The following PCDHGA2 variants were observed in gnomAD, a reference collection of about 807,000 sequenced individuals.
The protein encoded by PCDHGA2 is protocadherin gamma-A2.
PCDHGA2 carries 40 observed loss-of-function variants against 59.2 expected under a neutral mutation model. That is an observed-to-expected ratio of 0.68 (90% CI 0.52 to 0.88). The LOEUF is 0.88. PCDHGA2 is among the 40% of genes least tolerant of loss of function. The pLI is 0.00. For missense variants in PCDHGA2, 1,226 were observed against 1,204.0 expected (o/e 1.02, Z -0.27); for synonymous variants, 560 against 526.0 (o/e 1.06, Z -0.89).
At chr5:141,456,615 A>G (rs561978043) in intron 1 of PCDHGA2, among the ~76,000 whole-genome samples, 3 of 152,318 alleles carry the variant, frequency 2.0e-5, no homozygotes, top group East Asian at 3.9e-4. Flanking sequence ...AAGTCCCTGT[A>G]GATTTGCCTC....
intron 1 of PCDHGA2, chr5:141,350,531 A>C (rs1342791727): frequency 6.2e-7 from 1 of 1,614,042 alleles, no homozygotes. Context: ...AGATCGAGAG[A>C]AGATTTGCGG....
At chr5:141,455,075 G>A (rs1050636999) in intron 1 of PCDHGA2, among the ~76,000 whole-genome samples, 2 of 151,830 alleles carry the variant, frequency 1.3e-5, no homozygotes, top group African/African-American at 4.8e-5. Context: ...GCCTCCCAAA[G>A]TGCTGGGATT....
In PCDHGA2 at chr5:141,414,973, A is replaced by G. The variant is rs533056439; in HGVS notation, c.2424+73578A>G. 1.9e-5 allele frequency: 30 copies of G among 1,613,870 alleles called. No homozygotes were observed. The African/African-American group carries it at 3.7e-4, about 20-fold the overall frequency. Reference sequence around the variant, plus strand: ...GGTGACCAAGGTGGTGGCGGTGGACAGAGACTCCGGCCAGAACGCCTGGCT... The same window carrying G: ...GGTGACCAAGGTGGTGGCGGTGGACGGAGACTCCGGCCAGAACGCCTGGCT... On this transcript the variant is annotated intron_variant, in intron 1 of 3. Transcript: ENST00000394576.
At chr5:141,500,473 T>C (rs911171031) in intron 2 of PCDHGA2, among the ~76,000 whole-genome samples, 10 of 152,132 alleles carry the variant, frequency 6.6e-5, no homozygotes, top group Admixed American at 4.6e-4. Flanking sequence ...CCTCCCAAAG[T>C]GCTGGGATTA....
At chr5:141,460,882 C>G (rs2098999926) in intron 1 of PCDHGA2, among the ~76,000 whole-genome samples, 1 of 149,600 alleles carries the variant, frequency 6.7e-6, no homozygotes, top group Non-Finnish European at 1.5e-5. Context: ...TTATTTCATG[C>G]CTTTTCGTGG....
At chr5:141,348,295 C>T (rs1211454318) in intron 1 of PCDHGA2, among the ~76,000 whole-genome samples, 1 of 152,132 alleles carries the variant, frequency 6.6e-6, no homozygotes, top group Non-Finnish European at 1.5e-5. Flanking sequence ...TGTATTCTCA[C>T]TGAAACATGG....
rs1383090266 is a variant in PCDHGA2, at chr5:141,388,828, T to C, written c.2424+47433T>C. 6.2e-7 allele frequency: 1 copy of C among 1,613,894 alleles called. No homozygotes were observed. Among genetic ancestry groups the C allele is most frequent in the South Asian group, 1.1e-5 (1 of 91,070 alleles). ...TTTGAAGAAGTCAAAGAATATTCCA[T>C]AGTTTTGGAAGCAAGGGACGGTGGA... On this transcript the variant is annotated intron_variant, in intron 1 of 3. Coordinates refer to ENST00000394576, the MANE Select transcript of PCDHGA2 (RefSeq NM_018915.4).
chr5:141,432,481 C>G lies in PCDHGA2; in HGVS notation c.2425-62326C>G. 6.2e-7 allele frequency: 1 copy of G among 1,614,198 alleles called. No homozygotes were observed. On this transcript the variant is annotated intron_variant, in intron 1 of 3. Coordinates refer to ENST00000394576, the MANE Select transcript of PCDHGA2 (RefSeq NM_018915.4). This position sits in a 1 kb window ranked among gnomAD's most constrained non-coding sequence, Gnocchi z 6.0. ...CCCTCCCCACGGACGGTTCCACTGG[C>G]GTGGAGCTGGCTCCCCGCTCCGCAG...
Position 141,485,256 on chromosome 5 carries a change from G to A in PCDHGA2, c.2425-9551G>A, listed in dbSNP as rs770176450. The A allele has an allele frequency of 6.2e-7, 1 of 1,614,186 alleles. No homozygotes were observed. Among genetic ancestry groups the A allele is most frequent in the Non-Finnish European group, 8.5e-7 (1 of 1,179,996 alleles). On this transcript the variant is annotated intron_variant, in intron 1 of 3. Transcript: ENST00000394576. The surrounding 1 kb of genome is among the most constrained non-coding windows in gnomAD (Gnocchi z 5.7). ...CTCTTTTACCACCTGGGTTACGTTTGTGGGCAGATCCGCTACCCGGTCCCA... is the reference window on the plus strand; with the variant it reads ...CTCTTTTACCACCTGGGTTACGTTTATGGGCAGATCCGCTACCCGGTCCCA...
At position 141,413,426 on chromosome 5, in the gene PCDHGA2, G is replaced by T. The variant is rs138985917; in HGVS notation, c.2424+72031G>T. On this transcript the variant is annotated intron_variant, in intron 1 of 3. Transcript: ENST00000394576. Reference sequence around the variant, plus strand: ...ACGCAGCTTTTCTCTCTGAACCCGCGCAGCGGCAGCTTGATCACCGCGGGC... The same window carrying T: ...ACGCAGCTTTTCTCTCTGAACCCGCTCAGCGGCAGCTTGATCACCGCGGGC... 776 of 1,614,090 alleles carry T rather than the reference G, an allele frequency of 4.8e-4. 5 individuals carry two copies. The African/African-American group carries it at 9.2e-3, about 19-fold the overall frequency.
intron 1 of PCDHGA2, chr5:141,399,563 T>G: frequency 6.2e-7 from 1 of 1,614,054 alleles, no homozygotes; most frequent in Non-Finnish European, 8.5e-7. Flanking sequence ...GACTTGGGGT[T>G]GAACGGCCAA....
At chr5:141,502,512 T>C (rs1029375922) in intron 2 of PCDHGA2, among the ~76,000 whole-genome samples, 2 of 152,212 alleles carry the variant, frequency 1.3e-5, no homozygotes, top group East Asian at 1.9e-4. Context: ...CCTGTCCCAC[T>C]ATCAGTGATG....
intron 1 of PCDHGA2, among the ~76,000 whole-genome samples, chr5:141,454,658 G>T (rs961640658): frequency 1.3e-5 from 2 of 151,812 alleles, no homozygotes; most frequent in Non-Finnish European, 2.9e-5. Flanking sequence ...TGCCCACCTC[G>T]GCCTCCCAAA....
rs70988800 is a variant in PCDHGA2 at position 141,379,889 on chromosome 5, C to CTTTTTTTTTT, written c.2424+38515_2424+38524dup. Among the ~76,000 whole-genome samples, 163 of 50,832 alleles carry CTTTTTTTTTT rather than the reference C, an allele frequency of 3.2e-3. 26 individuals carry two copies. The highest frequency in any genetic ancestry group is 6.0e-3 in the African/African-American group (90 of 15,084). The allele number at this position is 50,832 out of a possible 152,430, so 33.3% of individuals were successfully genotyped here. On this transcript the variant is annotated intron_variant, in intron 1 of 3. Transcript: ENST00000394576. ...CTTATTTTATGGTCTGTGAAAGCCTCTTTTTTTTTTTTTTTTTTTTTTTTT... is the reference window on the plus strand; with the variant it reads ...CTTATTTTATGGTCTGTGAAAGCCTCTTTTTTTTTTTTTTTTTTTTTTTTTTTTTTTTTTT...
At chr5:141,343,311 CTG>C (rs1588455735) in intron 1 of PCDHGA2, 27 of 975,240 alleles carry the variant, frequency 2.8e-5, no homozygotes, top group Non-Finnish European at 3.3e-5. Context: ...TGGCTGATTT[CTG>C]TGTGTTTCTT....
chr5:141,422,453 G>A, intron 1 of PCDHGA2: 3 of 1,611,704 alleles, frequency 1.9e-6, no homozygotes, highest in Non-Finnish European at 2.5e-6. Context: ...ATAACAAGCA[G>A]AGTGCTGGAC....
At chr5:141,474,016 G>A (rs1286684019) in intron 1 of PCDHGA2, among the ~76,000 whole-genome samples, 1 of 152,128 alleles carries the variant, frequency 6.6e-6, no homozygotes, top group Non-Finnish European at 1.5e-5. Context: ...GTTACAGTGA[G>A]CTATGATTAT....
At chr5:141,343,440 A>G in intron 1 of PCDHGA2, 1 of 913,942 alleles carries the variant, frequency 1.1e-6, no homozygotes, top group East Asian at 1.2e-4. Flanking sequence ...ATAAGAATAA[A>G]CACATTATCA....
At chr5:141,421,651 A>C in intron 1 of PCDHGA2, 1 of 1,613,868 alleles carries the variant, frequency 6.2e-7, no homozygotes, top group Non-Finnish European at 8.5e-7. Flanking sequence ...AGTGGAGATA[A>C]AAGTCAGTGA....
Sources: allele counts gnomAD v4.1 joint callset (sites outside exome capture counted in the v4.1 genomes callset), GRCh38; gene constraint gnomAD v4.1.1; non-coding constraint Gnocchi (gnomAD v3.1); transcripts MANE v1.5; gene names NCBI Gene and HGNC (gene_info 2026-07-23, HGNC 2026-07-21).